Variants in CELSR2 observed in about 807,000 individuals in gnomAD.
The protein encoded by CELSR2 is EGF-like protein 2.
In CELSR2, 81 loss-of-function variants were observed where a neutral mutation model predicts 251.6. The ratio of observed to expected loss-of-function variants is 0.32; its 90% confidence interval spans 0.27 to 0.39. The LOEUF (loss-of-function observed/expected upper bound fraction) is 0.39. Ranked by LOEUF, CELSR2 falls within the 10% of genes least tolerant of loss-of-function variation. The pLI, the probability that CELSR2 is intolerant of heterozygous loss-of-function variation, is 1.00. For synonymous variants in CELSR2, 1,721 were observed against 1,670.5 expected, an observed-to-expected ratio of 1.03 and a Z score of -0.74; for missense variants, 3,365 against 3,947.7, an observed-to-expected ratio of 0.85 and a Z score of 3.96.
At position 109,250,586 on chromosome 1, in the gene CELSR2, G is replaced by A. The variant is rs1336869479; in HGVS notation, c.507G>A (p.Gly169=). 1.2e-6 allele frequency: 2 copies of A among 1,614,038 alleles called. No homozygotes were observed. Among genetic ancestry groups the A allele is most frequent in the South Asian group, 1.1e-5 (1 of 91,078 alleles). The part of the protein sequence containing the change: ...GERSPEESLG[G]RRKRNVNTAP... ...GGTCACCAGAAGAGTCCCTGGGTGG[G>A]CGTCGGAAAAGGAATGTAAATACAG... Residue 169 remains glycine (G), a synonymous_variant, in exon 1 of 34, where the codon GGG becomes GGA. Coordinates refer to ENST00000271332, the MANE Select transcript of CELSR2 (RefSeq NM_001408.3). This position sits in a 1 kb window ranked among gnomAD's most constrained non-coding sequence, Gnocchi z 4.4.
At position 109,262,851 on chromosome 1, in the gene CELSR2, C is replaced by G; in HGVS notation, c.4590C>G (p.Asp1530Glu). The part of the protein sequence containing the change: ...TGPLLLGGVP[D>E]LPESFPVRMR... The stretch of plus-strand genomic sequence containing the variant: ...CCCTGCTACTAGGCGGGGTGCCTGA[C>G]CTGCCCGAGAGCTTCCCAGTCCGAA... Residue 1530 changes from aspartate to glutamate, a missense_variant, in exon 7 of 34, where the codon GAC (aspartate) becomes GAG (glutamate). Transcript: ENST00000271332. 1 of 1,613,714 alleles carries G rather than the reference C, an allele frequency of 6.2e-7. No homozygotes were observed. Among genetic ancestry groups the G allele is most frequent in the East Asian group, 2.2e-5 (1 of 44,888 alleles).
At chr1:109,270,677 A>G in intron 24 of CELSR2, 77 bp downstream of exon 24, 3 of 1,535,996 alleles carry the variant, frequency 2.0e-6, no homozygotes, top group Admixed American at 1.8e-5. Context: ...CCACCCACAT[A>G]CAGGCCCTGA....
At position 109,269,004 on chromosome 1, in the gene CELSR2, C is replaced by T; in HGVS notation, c.6627C>T (p.Phe2209=). Residue 2209 remains phenylalanine (F), a synonymous_variant, in exon 19 of 34, where the codon TTC becomes TTT. Transcript: ENST00000271332. This position sits in a 1 kb window ranked among gnomAD's most constrained non-coding sequence, Gnocchi z 6.4. ...CAGTCATTCTGCCTGAGTCTGTCTTCAGAGGTCAGTGGTGGCCATGGATTG... is the reference window on the plus strand; with the variant it reads ...CAGTCATTCTGCCTGAGTCTGTCTTTAGAGGTCAGTGGTGGCCATGGATTG... ...ETTVILPESV[F]RETPPVVRPA... is the part of the protein sequence containing the mutation. 1 of 1,611,092 alleles carries T rather than the reference C, an allele frequency of 6.2e-7. No individual in the cohort carries two copies. The highest frequency in any genetic ancestry group is 2.2e-5 in the East Asian group (1 of 44,770).
chr1:109,256,230 G>A (rs1655838024), intron 1 of CELSR2, among the ~76,000 whole-genome samples: 1 of 152,218 alleles, frequency 6.6e-6, no homozygotes, highest in Non-Finnish European at 1.5e-5. Flanking sequence ...GCTTCCTGGA[G>A]CAGGTGAGCT....
At chr1:109,260,988 G>C (rs1446145797) in intron 2 of CELSR2, 54 bp from the exon 3 acceptor site, 2 of 1,430,438 alleles carry the variant, frequency 1.4e-6, no homozygotes, top group Non-Finnish European at 9.7e-7. Context: ...GGGGGTCTCA[G>C]TTCCCCTCCT....
At position 109,250,179 on chromosome 1, in the gene CELSR2, G is replaced by C; in HGVS notation, c.100G>C (p.Val34Leu). 6.2e-7 allele frequency: 1 copy of C among 1,601,074 alleles called. No homozygotes were observed. The highest frequency in any genetic ancestry group is 2.2e-5 in the East Asian group (1 of 44,672). Residue 34 changes from valine to leucine, a missense_variant, in exon 1 of 34, where the codon GTG becomes CTG. Val to Leu is a conservative substitution (Grantham distance 32). This residue lies in a region of CELSR2 where 704 missense variants were observed against 784.1 expected (regional missense o/e 0.90). Transcript: ENST00000271332. The surrounding 1 kb of genome is among the most constrained non-coding windows in gnomAD (Gnocchi z 4.4). ...LLPPPLLGDQVGPCRSLGSRG... is the reference protein window; with the variant it reads ...LLPPPLLGDQLGPCRSLGSRG... ...GCCGCCGCCACTATTGGGAGACCAA[G>C]TGGGGCCCTGTCGTTCCTTGGGGTC...
At chr1:109,264,428 G>T (rs1336942367) in intron 10 of CELSR2, 26 bp from the exon 11 acceptor site, 1 of 1,605,074 alleles carries the variant, frequency 6.2e-7, no homozygotes, top group South Asian at 1.1e-5. Flanking sequence ...CTCCACTGAG[G>T]GCAACACTGC....
chr1:109,263,270 A>G lies in CELSR2; in HGVS notation c.4834+3A>G. 2 of 1,571,346 alleles carry G rather than the reference A, an allele frequency of 1.3e-6. No homozygotes were observed. Among genetic ancestry groups the G allele is most frequent in the Non-Finnish European group, 1.7e-6 (2 of 1,151,484 alleles). On this transcript the variant is annotated splice_donor_region_variant and intron_variant, in intron 8 of 33. Coordinates refer to ENST00000271332, the MANE Select transcript of CELSR2 (RefSeq NM_001408.3). The stretch of plus-strand genomic sequence containing the variant: ...TGGGGGCAAGAGCTGCGCCCAGGGT[A>G]GGAGGGGCGGCTGTTAGAGGCCACA...
intron 12 of CELSR2, 31 bp downstream of exon 12, chr1:109,265,040 C>T: frequency 1.5e-5 from 25 of 1,613,570 alleles, no homozygotes; most frequent in Non-Finnish European, 2.1e-5. Flanking sequence ...GGCAGCAGGT[C>T]CCAGTGGCTG....
rs780641875 is a variant in CELSR2 at position 109,267,972 on chromosome 1, C to T, written c.6230C>T (p.Ala2077Val). ...AGYFGSDVKVAYQLATRLLAH... is the reference protein window; with the variant it reads ...AGYFGSDVKVVYQLATRLLAH... ...TACTTCGGCAGCGACGTCAAGGTGG[C>T]CTACCAGCTGGCCACGCGGCTGCTG... is the stretch of plus-strand genomic sequence containing the variant. The change falls in exon 17 of 34, where the codon GCC becomes GTC. Residue 2077 changes from alanine (A) to valine (V), a missense_variant. Transcript: ENST00000271332. The T allele has an allele frequency of 1.2e-6, 2 of 1,611,370 alleles. No individual in the cohort carries two copies. Among genetic ancestry groups the T allele is most frequent in the Admixed American group, 1.7e-5 (1 of 60,012 alleles).
At chr1:109,264,841 G>C in intron 11 of CELSR2, 27 bp from the exon 12 acceptor site, 1 of 1,613,972 alleles carries the variant, frequency 6.2e-7, no homozygotes, top group Non-Finnish European at 8.5e-7. Flanking sequence ...GTGGGGGAAT[G>C]AGCCTCTCTG....
At position 109,263,149 on chromosome 1, in the gene CELSR2, TG is replaced by T; in HGVS notation, c.4717del (p.Ala1573ProfsTer18). The T allele has an allele frequency of 6.3e-7, 1 of 1,597,360 alleles. No individual in the cohort carries two copies. The highest frequency in any genetic ancestry group is 8.6e-7 in the Non-Finnish European group (1 of 1,166,384). On this transcript the variant is annotated frameshift_variant, in exon 8 of 34. Transcript: ENST00000271332. LOFTEE classifies it high-confidence loss of function. Reference sequence around the variant, plus strand: ...GCCTTCTCTCCATTCCAGGCTGCCCTGCCAAGAAGAACGTGTGTGACAGCAA... The same window carrying T: ...GCCTTCTCTCCATTCCAGGCTGCCCTCCAAGAAGAACGTGTGTGACAGCAA... Reference protein sequence around the residue: ...ANNGTVPGCPAKKNVCDSNTC... With the variant: ...ANNGTVPGCPXKKNVCDSNTC...
In CELSR2 at chr1:109,251,460, C is replaced by T. The variant is rs775721854; in HGVS notation, c.1381C>T (p.Pro461Ser). ...AQTGALDVVS[P>S]LDYETTKEYT... is the part of the protein sequence containing the mutation. ...GACTGGAGCTCTGGATGTGGTGAGC[C>T]CTCTTGACTATGAGACGACCAAGGA... is the stretch of plus-strand genomic sequence containing the variant. Residue 461 changes from proline (P) to serine (S), a missense_variant, in exon 1 of 34, where the codon CCT (proline) becomes TCT (serine). Physicochemically the swap from Pro to Ser is moderately conservative, Grantham distance 74. This residue lies in a region of CELSR2 where 704 missense variants were observed against 784.1 expected (regional missense o/e 0.90). Transcript: ENST00000271332. This position sits in a 1 kb window ranked among gnomAD's most constrained non-coding sequence, Gnocchi z 4.9. 10 of 1,613,760 alleles carry T rather than the reference C, an allele frequency of 6.2e-6. No individual in the cohort carries two copies. Among genetic ancestry groups the T allele is most frequent in the South Asian group, 5.5e-5 (5 of 91,070 alleles).
rs538885679 is a variant in CELSR2 at position 109,270,770 on chromosome 1, C to T, written c.7484-157C>T. On this transcript the variant is annotated intron_variant, in intron 24 of 33. Coordinates refer to ENST00000271332, the MANE Select transcript of CELSR2 (RefSeq NM_001408.3). ...CCAGACTCTGCAGCCGCCACCCAGG[C>T]GTCACTCCCTTATCCTGGGGAGATC... is the stretch of plus-strand genomic sequence containing the variant. 14 of 1,014,056 alleles carry T rather than the reference C, an allele frequency of 1.4e-5. No homozygotes were observed. The East Asian group carries it at 2.2e-4, about 16-fold the overall frequency. The allele number at this position is 1,014,056 out of a possible 1,614,324, so 62.8% of individuals were successfully genotyped here. A position where few individuals can be genotyped will look rare whatever the true frequency, so the allele number is the denominator to read the frequency against.
chr1:109,264,476 C>T lies in CELSR2; in HGVS notation c.5312C>T (p.Pro1771Leu), dbSNP rs772750957. Reference protein sequence around the residue: ...CLQGVRVSDTPEGVNSLDPSH... With the variant: ...CLQGVRVSDTLEGVNSLDPSH... ...CAGGGTGTGCGGGTGAGCGATACGC[C>T]GGAGGGGGTTAACAGCCTGGATCCC... Residue 1771 changes from proline (P) to leucine (L), a missense_variant, in exon 11 of 34, where the codon CCG (proline) becomes CTG (leucine). Physicochemically the swap from Pro to Leu is moderately conservative, Grantham distance 98 (BLOSUM62 -3). Around this residue, in one of 5 missense-constraint regions of CELSR2, gnomAD observed 2,093 missense variants for 2,382.8 expected, o/e 0.88. Coordinates refer to ENST00000271332, the MANE Select transcript of CELSR2 (RefSeq NM_001408.3). The T allele has an allele frequency of 7.4e-6, 12 of 1,613,590 alleles. No individual in the cohort carries two copies. The highest frequency in any genetic ancestry group is 6.7e-5 in the African/African-American group (5 of 74,910).
intron 32 of CELSR2, 34 bp from the exon 33 acceptor site, chr1:109,273,402 T>G: frequency 6.2e-7 from 1 of 1,607,768 alleles, no homozygotes; most frequent in Non-Finnish European, 8.5e-7. Context: ...CATTCTCCTG[T>G]GGCCGCACCT....
At position 109,258,607 on chromosome 1, in the gene CELSR2, C is replaced by G; in HGVS notation, c.3486C>G (p.Asp1162Glu). ...AVAATLATPP[D>E]HVVVFNVQRD... is the part of the protein sequence containing the mutation. ...CCGCCACGCTGGCCACGCCACCGGA[C>G]CACGTGGTGGTCTTCAACGTACAGC... is the stretch of plus-strand genomic sequence containing the variant. Residue 1162 changes from aspartate (D) to glutamate (E), a missense_variant, in exon 2 of 34, where the codon GAC (aspartate) becomes GAG (glutamate). Asp to Glu is a conservative substitution (Grantham distance 45). Transcript: ENST00000271332. 6.3e-7 allele frequency: 1 copy of G among 1,584,950 alleles called. No individual in the cohort carries two copies. Among genetic ancestry groups the G allele is most frequent in the Non-Finnish European group, 8.6e-7 (1 of 1,165,858 alleles).
At position 109,269,495 on chromosome 1, in the gene CELSR2, C is replaced by G. The variant is rs1273076391; in HGVS notation, c.6884C>G (p.Pro2295Arg). 8 of 1,614,112 alleles carry G rather than the reference C, an allele frequency of 5.0e-6. No homozygotes were observed. Among genetic ancestry groups the G allele is most frequent in the Non-Finnish European group, 6.8e-6 (8 of 1,180,022 alleles). The part of the protein sequence containing the change: ...ISVHDDEELL[P>R]RALDKPVTVQ... ...GTCCATGATGATGAGGAGCTTCTGC[C>G]CCGGGCCCTGGACAAACCCGTCACG... is the stretch of plus-strand genomic sequence containing the variant. Residue 2295 changes from proline (P) to arginine (R), a missense_variant, in exon 21 of 34, where the codon CCC becomes CGC. By Grantham distance (103) the Pro-to-Arg change is moderately radical (BLOSUM62 -2). This residue lies in a region of CELSR2 where 2,093 missense variants were observed against 2,382.8 expected (regional missense o/e 0.88). Coordinates refer to ENST00000271332, the MANE Select transcript of CELSR2 (RefSeq NM_001408.3). The surrounding 1 kb of genome is among the most constrained non-coding windows in gnomAD (Gnocchi z 6.4).
At position 109,262,407 on chromosome 1, in the gene CELSR2, T is replaced by G; in HGVS notation, c.4507T>G (p.Ser1503Ala). 6.2e-7 allele frequency: 1 copy of G among 1,614,046 alleles called. No homozygotes were observed. The change falls in exon 6 of 34, where the codon TCC becomes GCC. Residue 1503 changes from serine to alanine, a missense_variant. Transcript: ENST00000271332. The part of the protein sequence containing the change: ...LRFGSVLGNY[S>A]CAAQGTQGGS... ...CTTCGGATCTGTCCTGGGCAACTAC[T>G]CCTGTGCTGCCCAGGGCACCCAGGG... is the stretch of plus-strand genomic sequence containing the variant.
Sources: allele counts gnomAD v4.1 joint callset (sites outside exome capture counted in the v4.1 genomes callset), GRCh38; gene constraint gnomAD v4.1.1; regional missense constraint gnomAD v4.1.1; non-coding constraint Gnocchi (gnomAD v3.1); transcripts MANE v1.5; gene names NCBI Gene and HGNC (gene_info 2026-07-23, HGNC 2026-07-21).